MBTD1: variants seen among roughly 807,000 people sequenced by gnomAD.
MBTD1 encodes MBT domain-containing protein 1.
In MBTD1, 24 loss-of-function variants were observed where a neutral mutation model predicts 87.8. The observed-to-expected ratio is 0.27, with a 90% confidence interval of 0.20 to 0.38. The LOEUF (loss-of-function observed/expected upper bound fraction) is 0.38, where lower values mean the gene tolerates loss of function less well. Ranked by LOEUF, MBTD1 falls within the 10% of genes least tolerant of loss-of-function variation. The probability of loss-of-function intolerance (pLI) is 1.00; values close to 1 mark genes in which losing one functional copy is unlikely to be tolerated. For synonymous variants in MBTD1, 237 were observed against 248.6 expected, an observed-to-expected ratio of 0.95 and a Z score of 0.44; for missense variants, 436 against 760.2, an observed-to-expected ratio of 0.57 and a Z score of 5.02.
At chr17:51,202,582 G>A in intron 10 of MBTD1, 119 bp downstream of exon 10, 1 of 748,750 alleles carries the variant, frequency 1.3e-6, no homozygotes, top group East Asian at 2.5e-5. Context: ...GGTAGAAGAA[G>A]CAGCCCAAAC....
At chr17:51,206,572 A>G (rs537752703) in intron 7 of MBTD1, among the ~76,000 whole-genome samples, 8 of 152,364 alleles carry the variant, frequency 5.3e-5, no homozygotes, top group African/African-American at 1.9e-4. Context: ...TTCATGATAC[A>G]TAACTATTAT....
At chr17:51,214,031 G>GTA (rs1217365532) in intron 6 of MBTD1, among the ~76,000 whole-genome samples, 1 of 151,910 alleles carries the variant, frequency 6.6e-6, no homozygotes, top group East Asian at 1.9e-4. Context: ...TTTTTTAGTA[G>GTA]TATATATGTG....
intron 2 of MBTD1, among the ~76,000 whole-genome samples, chr17:51,243,976 G>A (rs2054293347): frequency 6.6e-6 from 1 of 152,184 alleles, no homozygotes; most frequent in South Asian, 2.1e-4. Context: ...TGTAACCAGA[G>A]TCACAAGATT....
chr17:51,181,228 T>C (rs1029458624), intron 16 of MBTD1, among the ~76,000 whole-genome samples: 1 of 152,248 alleles, frequency 6.6e-6, no homozygotes, highest in East Asian at 1.9e-4. Context: ...GGTTTCATCA[T>C]GTTGGCCAGG....
chr17:51,226,277 C>A (rs1054530256), intron 2 of MBTD1, among the ~76,000 whole-genome samples: 6 of 150,676 alleles, frequency 4.0e-5, no homozygotes, highest in Admixed American at 2.0e-4. Flanking sequence ...TTTGGGAGGC[C>A]GAGGTGGTCA....
chr17:51,236,042 T>C (rs980004443), intron 2 of MBTD1, among the ~76,000 whole-genome samples: 1 of 152,160 alleles, frequency 6.6e-6, no homozygotes, highest in Non-Finnish European at 1.5e-5. Flanking sequence ...TATGGGTATA[T>C]ATGGGTCTAT....
chr17:51,232,570 A>G (rs530298387), intron 2 of MBTD1, among the ~76,000 whole-genome samples: 1 of 152,302 alleles, frequency 6.6e-6, no homozygotes, highest in South Asian at 2.1e-4. Flanking sequence ...ATACATGATA[A>G]ACACTCAAAA....
At chr17:51,191,951 G>A (rs575641614) in intron 16 of MBTD1, 19 of 421,400 alleles carry the variant, frequency 4.5e-5, no homozygotes, top group Non-Finnish European at 6.7e-5. Flanking sequence ...ATTATTTCAA[G>A]AATCATTCAC....
At chr17:51,244,773 G>C (rs1020651710) in intron 2 of MBTD1, among the ~76,000 whole-genome samples, 1 of 151,980 alleles carries the variant, frequency 6.6e-6, no homozygotes, top group Non-Finnish European at 1.5e-5. Flanking sequence ...TCCTTATCAA[G>C]ATATTCCAGG....
chr17:51,217,444 A>T (rs923364722), intron 5 of MBTD1, 28 bp from the exon 6 acceptor site: 58 of 1,076,106 alleles, frequency 5.4e-5, no homozygotes, highest in Non-Finnish European at 7.2e-5. Flanking sequence ...TAGATGTATT[A>T]TAATTCTCAA....
chr17:51,210,771 ACAAC>A (rs1197377431), intron 6 of MBTD1, among the ~76,000 whole-genome samples: 1 of 132,666 alleles, frequency 7.5e-6, no homozygotes, highest in African/African-American at 3.1e-5. Flanking sequence ...AACAACAACA[ACAAC>A]AACAACAACA....
intron 16 of MBTD1, chr17:51,185,479 A>T (rs535824139): frequency 6.6e-6 from 1 of 152,368 alleles, no homozygotes; most frequent in Non-Finnish European, 1.5e-5. Context: ...ATCACTATAC[A>T]TACATAATCA....
At chr17:51,249,613 G>A (rs1365104252) in intron 2 of MBTD1, 2 of 152,010 alleles carry the variant, frequency 1.3e-5, no homozygotes, top group Non-Finnish European at 2.9e-5. Flanking sequence ...ATTTGTCCTG[G>A]CCTTTATGTT....
At position 51,198,107 on chromosome 17, in the gene MBTD1, G is replaced by C. The variant is rs138880097; in HGVS notation, c.1225-2746C>G. Among the ~76,000 whole-genome samples the C allele has an allele frequency of 6.2e-3, 946 of 152,238 alleles. 44 individuals are homozygous for C. Among genetic ancestry groups the C allele is most frequent in the Non-Finnish European group, 1.0e-3 (70 of 68,014 alleles). On this transcript the variant is annotated intron_variant, in intron 12 of 16. Coordinates refer to ENST00000586178, the MANE Select transcript of MBTD1 (RefSeq NM_017643.3). ...AACACAGTCTCTGAGTTAGTACAGG[G>C]TGTCAAATCAACAACTCCTCTTACT...
chr17:51,190,033 G>A (rs930002761), intron 16 of MBTD1, among the ~76,000 whole-genome samples: 1 of 152,186 alleles, frequency 6.6e-6, no homozygotes, highest in African/African-American at 2.4e-5. Flanking sequence ...TGGGTTTTGT[G>A]CTGGGAGAAA....
intron 2 of MBTD1, among the ~76,000 whole-genome samples, chr17:51,245,081 T>C (rs1228511286): frequency 4.6e-5 from 7 of 152,122 alleles, no homozygotes; most frequent in African/African-American, 1.7e-4. Context: ...TTTGTATTTT[T>C]AGTAGAGGCG....
intron 8 of MBTD1, among the ~76,000 whole-genome samples, 195 bp from the exon 9 acceptor site, chr17:51,203,423 C>CT (rs909629820): frequency 6.6e-5 from 10 of 151,494 alleles, no homozygotes; most frequent in Admixed American, 1.3e-4. Flanking sequence ...TAATTTCTTT[C>CT]TTTTTTTTTG....
chr17:51,190,750 A>AAAAAATAT (rs1555677185), intron 16 of MBTD1, among the ~76,000 whole-genome samples: 6 of 39,698 alleles, frequency 1.5e-4, no homozygotes, highest in African/African-American at 4.6e-4. Flanking sequence ...AAAAAAAAAA[A>AAAAAATAT]ATATATATAT....
chr17:51,237,295 CAAAAAAAA>C (rs368805446), intron 2 of MBTD1, among the ~76,000 whole-genome samples: 2 of 60,488 alleles, frequency 3.3e-5, no homozygotes, highest in Non-Finnish European at 7.1e-5. Flanking sequence ...GACTCCATCT[CAAAAAAAA>C]AAAAAAAAAA....
Sources: allele counts gnomAD v4.1 joint callset (sites outside exome capture counted in the v4.1 genomes callset), GRCh38; gene constraint gnomAD v4.1.1; transcripts MANE v1.5; gene names NCBI Gene and HGNC (gene_info 2026-07-23, HGNC 2026-07-21).